CDK5RAP2: variants seen among roughly 807,000 people sequenced by gnomAD.
CDK5RAP2 encodes the protein CDK5 regulatory subunit associated protein 2, also known as CDK5 regulatory subunit-associated protein 2.
In CDK5RAP2, 147 loss-of-function variants were observed where a neutral mutation model predicts 232.9. The observed-to-expected ratio is 0.63, with a 90% CI of 0.55 to 0.72. CDK5RAP2 has a LOEUF of 0.72. Among genes scored for constraint, CDK5RAP2 ranks in the 30% least tolerant of loss-of-function variants. The probability of loss-of-function intolerance (pLI) is 0.00; values close to 1 mark genes in which losing one functional copy is unlikely to be tolerated. For missense variants in CDK5RAP2, 2,195 were observed against 2,231.5 expected, an observed-to-expected ratio of 0.98 and a Z score of 0.33; for synonymous variants, 833 against 833.7, an observed-to-expected ratio of 1.00 and a Z score of 0.01.
intron 14 of CDK5RAP2, among the ~76,000 whole-genome samples, chr9:120,482,112 C>T (rs893894914): frequency 6.6e-6 from 1 of 152,120 alleles, no homozygotes; most frequent in African/African-American, 2.4e-5. Context: ...GTAACTGCTA[C>T]AGTCAGAATT....
At chr9:120,507,176 A>G (rs1179522232) in intron 12 of CDK5RAP2, among the ~76,000 whole-genome samples, 1 of 152,194 alleles carries the variant, frequency 6.6e-6, no homozygotes, top group Non-Finnish European at 1.5e-5. Context: ...TAATTCAGGT[A>G]TGTATGTTGT....
chr9:120,414,952 G>C lies in CDK5RAP2; in HGVS notation c.4297+88C>G, dbSNP rs956984443. 8.0e-6 allele frequency: 12 copies of C among 1,492,158 alleles called. No individual in the cohort carries two copies. In the African/African-American group the frequency reaches 1.7e-4, roughly 21 times the overall value. 92.4% of individuals were successfully genotyped at this position (1,492,158 alleles called of 1,614,324 possible). A position where few individuals can be genotyped will look rare whatever the true frequency, so the allele number is the denominator to read the frequency against. On this transcript the variant is annotated intron_variant, in intron 28 of 37. Coordinates refer to ENST00000349780, the MANE Select transcript of CDK5RAP2 (RefSeq NM_018249.6). ...AAAAATGAACATTTATCAAGCACCT[G>C]CTTTGTACACAGATGCTTACTCAGG...
intron 3 of CDK5RAP2, among the ~76,000 whole-genome samples, chr9:120,552,809 A>G (rs748464666): frequency 2.0e-5 from 3 of 151,924 alleles, no homozygotes; most frequent in Admixed American, 1.3e-4. Flanking sequence ...GAACCTGCAC[A>G]TTGTGCACAT....
intron 3 of CDK5RAP2, among the ~76,000 whole-genome samples, chr9:120,561,719 TATAAC>T (rs2042471348): frequency 1.3e-5 from 2 of 152,380 alleles, no homozygotes; most frequent in South Asian, 2.1e-4. Context: ...TTTGCAGAAT[TATAAC>T]ATAAGTGAAT....
intron 23 of CDK5RAP2, among the ~76,000 whole-genome samples, chr9:120,440,600 C>T (rs973518378): frequency 2.6e-5 from 4 of 152,208 alleles, no homozygotes; most frequent in Non-Finnish European, 5.9e-5. Flanking sequence ...GACAAATATA[C>T]TATGTGCTGG....
At chr9:120,452,914 G>A (rs1272019336) in intron 21 of CDK5RAP2, among the ~76,000 whole-genome samples, 3 of 152,042 alleles carry the variant, frequency 2.0e-5, no homozygotes, top group African/African-American at 7.3e-5. Flanking sequence ...GAATATAGAT[G>A]AAGCCCTCAG....
chr9:120,540,879 G>A (rs893484242), intron 5 of CDK5RAP2, among the ~76,000 whole-genome samples: 1 of 152,226 alleles, frequency 6.6e-6, no homozygotes, highest in Admixed American at 6.5e-5. Flanking sequence ...TGCTGTGAGA[G>A]GCCTCATGCT....
intron 3 of CDK5RAP2, among the ~76,000 whole-genome samples, chr9:120,567,379 G>A (rs1447113448): frequency 6.6e-6 from 1 of 152,086 alleles, no homozygotes; most frequent in Non-Finnish European, 1.5e-5. Flanking sequence ...AAAGACAACT[G>A]GGGAGAAAGA....
chr9:120,575,390 T>C (rs537507844), intron 1 of CDK5RAP2, among the ~76,000 whole-genome samples: 29 of 152,102 alleles, frequency 1.9e-4, no homozygotes, highest in Non-Finnish European at 3.4e-4. Flanking sequence ...AGTGACTGAA[T>C]GGACCTTCAC....
chr9:120,511,494 G>C (rs1219156200), intron 12 of CDK5RAP2, among the ~76,000 whole-genome samples: 1 of 152,196 alleles, frequency 6.6e-6, no homozygotes, highest in African/African-American at 2.4e-5. Flanking sequence ...AATTGCTTTT[G>C]TTGAATGGGG....
chr9:120,476,725 G>C (rs2038037019), intron 15 of CDK5RAP2, among the ~76,000 whole-genome samples: 1 of 151,546 alleles, frequency 6.6e-6, no homozygotes, highest in Non-Finnish European at 1.5e-5. Context: ...AGTCCCTGAG[G>C]CCAACCCTGT....
At chr9:120,549,652 A>G (rs887054569) in intron 4 of CDK5RAP2, among the ~76,000 whole-genome samples, 3 of 152,228 alleles carry the variant, frequency 2.0e-5, no homozygotes, top group African/African-American at 2.4e-5. Context: ...ATGCAAATGT[A>G]CAGATACCCA....
intron 16 of CDK5RAP2, 91 bp downstream of exon 16, chr9:120,471,657 C>G: frequency 1.3e-6 from 2 of 1,568,026 alleles, no homozygotes; most frequent in South Asian, 2.2e-5. Context: ...TATGCTTCAT[C>G]CCTTAACAAA....
At chr9:120,445,385 C>T (rs112610512) in intron 22 of CDK5RAP2, among the ~76,000 whole-genome samples, 2,668 of 152,324 alleles carry the variant, frequency 0.018, 33 homozygotes, top group Non-Finnish European at 0.026. Flanking sequence ...CCTTGAGGTT[C>T]GGTGACAATG....
At chr9:120,565,259 C>G (rs1298941414) in intron 3 of CDK5RAP2, among the ~76,000 whole-genome samples, 1 of 152,198 alleles carries the variant, frequency 6.6e-6, no homozygotes, top group Non-Finnish European at 1.5e-5. Context: ...TCCTCCAGCT[C>G]TGAAATTAAC....
At chr9:120,562,374 C>T (rs1159242667) in intron 3 of CDK5RAP2, among the ~76,000 whole-genome samples, 2 of 152,132 alleles carry the variant, frequency 1.3e-5, no homozygotes, top group Non-Finnish European at 2.9e-5. Context: ...TCCAGCAGGC[C>T]ATCCCACTAC....
At chr9:120,426,526 G>A (rs1282766608) in intron 25 of CDK5RAP2, among the ~76,000 whole-genome samples, 1 of 152,194 alleles carries the variant, frequency 6.6e-6, no homozygotes, top group Non-Finnish European at 1.5e-5. Context: ...GAGTGTCTGA[G>A]TTAAGCTAAG....
chr9:120,448,071 T>C lies in CDK5RAP2; in HGVS notation c.2849A>G (p.Asn950Ser). Residue 950 changes from asparagine (N) to serine (S), a missense_variant, in exon 22 of 38, where the codon AAT becomes AGT. By Grantham distance (46) the Asn-to-Ser change is conservative. Coordinates refer to ENST00000349780, the MANE Select transcript of CDK5RAP2 (RefSeq NM_018249.6). Reference protein sequence around the residue: ...ILIKPSRSLGNMYRLPATQEV... With the variant: ...ILIKPSRSLGSMYRLPATQEV... ...CTGGGTGGCAGGGAGACGATACATA[T>C]TTCCTAATGACCGGGATGGTTTTAT... 2 of 1,614,184 alleles carry C rather than the reference T, an allele frequency of 1.2e-6. No homozygotes were observed. Among genetic ancestry groups the C allele is most frequent in the South Asian group, 1.1e-5 (1 of 91,076 alleles).
intron 4 of CDK5RAP2, 118 bp from the exon 5 acceptor site, chr9:120,545,908 T>C (rs2041823195): frequency 7.5e-6 from 6 of 799,850 alleles, no homozygotes; most frequent in Non-Finnish European, 1.3e-5. Context: ...AATAGGCAGA[T>C]GTTAGATTCC....
Sources: allele counts gnomAD v4.1 joint callset (sites outside exome capture counted in the v4.1 genomes callset), GRCh38; gene constraint gnomAD v4.1.1; transcripts MANE v1.5; gene names NCBI Gene and HGNC (gene_info 2026-07-23, HGNC 2026-07-21).